Variants in ZFYVE16 observed in about 807,000 individuals in gnomAD.
ZFYVE16 encodes zinc finger FYVE domain-containing protein 16.
ZFYVE16 carries 89 observed loss-of-function variants against 138.1 expected under a neutral mutation model. The observed-to-expected ratio is 0.64, with a 90% confidence interval of 0.54 to 0.77. The LOEUF (loss-of-function observed/expected upper bound fraction) is 0.77. Among genes scored for constraint, ZFYVE16 ranks in the 30% least tolerant of loss-of-function variants. The pLI is 0.00. For missense variants in ZFYVE16, 1,793 were observed against 1,786.7 expected, an observed-to-expected ratio of 1.00 and a Z score of -0.06; for synonymous variants, 596 against 618.3, an observed-to-expected ratio of 0.96 and a Z score of 0.53.
chr5:80,440,651 C>G (rs1580231963), intron 5 of ZFYVE16: 1 of 889,644 alleles, frequency 1.1e-6, no homozygotes, highest in Admixed American at 9.4e-5. Flanking sequence ...TCTTTGAGTT[C>G]TCACAGGTGT....
At chr5:80,456,272 T>C in intron 12 of ZFYVE16, 189 bp from the exon 13 acceptor site, 1 of 464,102 alleles carries the variant, frequency 2.2e-6, no homozygotes, top group Non-Finnish European at 3.8e-6. Flanking sequence ...TATTTATCCA[T>C]GCCTAGTTTG....
At chr5:80,417,834 T>C (rs1746483718) in intron 1 of ZFYVE16, among the ~76,000 whole-genome samples, 1 of 152,130 alleles carries the variant, frequency 6.6e-6, no homozygotes, top group Non-Finnish European at 1.5e-5. Context: ...GATGAGTAAA[T>C]ACCTAGTAGC....
rs2112474046 is a variant in ZFYVE16 at position 80,455,774 on chromosome 5, T to C, written c.3690T>C (p.Val1230=). Residue 1230 remains valine (V), a splice_region_variant and synonymous_variant, in exon 12 of 19, where the codon GTT becomes GTC. Transcript: ENST00000505560. ...GACACACTATTATGAACTTACTTGT[T>C]GTGAGTAATTGAACTATTTTATTAG... The part of the protein sequence containing the change: ...EIGHTIMNLL[V]DLRNYQYTLH... The C allele has an allele frequency of 6.4e-7, 1 of 1,570,270 alleles. No individual in the cohort carries two copies. The highest frequency in any genetic ancestry group is 2.3e-5 in the East Asian group (1 of 43,096).
chr5:80,450,635 G>GT, intron 10 of ZFYVE16, 49 bp downstream of exon 10: 1 of 1,560,998 alleles, frequency 6.4e-7, no homozygotes, highest in Non-Finnish European at 8.7e-7. Context: ...GGATAAATTA[G>GT]TTAAAGGCAT....
At chr5:80,420,684 CCAGTCTAT>C (rs1330065682) in intron 1 of ZFYVE16, among the ~76,000 whole-genome samples, 1 of 152,172 alleles carries the variant, frequency 6.6e-6, no homozygotes, top group Non-Finnish European at 1.5e-5. Flanking sequence ...TTTTCTTAAT[CCAGTCTAT>C]CATTGATGGA....
intron 1 of ZFYVE16, among the ~76,000 whole-genome samples, chr5:80,427,103 C>T (rs1373003381): frequency 4.6e-5 from 7 of 151,166 alleles, no homozygotes; most frequent in Non-Finnish European, 7.4e-5. Context: ...AGGCAGGTCT[C>T]GAACTCCTGG....
At chr5:80,440,734 C>T (rs1750615229) in intron 5 of ZFYVE16, 1 of 968,542 alleles carries the variant, frequency 1.0e-6, no homozygotes, top group African/African-American at 1.9e-5. Flanking sequence ...CATGTTTATT[C>T]TTTTGAGTAC....
Position 80,445,402 on chromosome 5 carries a change from T to A in ZFYVE16, c.2721T>A (p.Pro907=). 1 of 1,608,852 alleles carries A rather than the reference T, an allele frequency of 6.2e-7. No homozygotes were observed. The highest frequency in any genetic ancestry group is 1.1e-5 in the South Asian group (1 of 89,712). The part of the protein sequence containing the change: ...EDFSPLSPDV[P]MTVNTVDHSH... ...TTAGTCCTCTCTCACCTGATGTGCC[T>A]ATGGTAAGGAATTCAAAGAATAACT... The change falls in exon 7 of 19, where the codon CCT becomes CCA. Residue 907 remains proline, a synonymous_variant. Transcript: ENST00000505560.
At position 80,450,507 on chromosome 5, in the gene ZFYVE16, G is replaced by A. The variant is rs769454176; in HGVS notation, c.3303G>A (p.Leu1101=). The change falls in exon 10 of 19, where the codon TTG becomes TTA. Residue 1101 remains leucine (L), a synonymous_variant. Coordinates refer to ENST00000505560, the MANE Select transcript of ZFYVE16 (RefSeq NM_001284236.3). ...GLGQAEIIIL[L]LCLPNEDTIP... is the part of the protein sequence containing the mutation. ...GACAGGCAGAAATTATTATTCTATT[G>A]TTATGTTTGCCAAATGAAGATACTA... 6.2e-6 allele frequency: 10 copies of A among 1,613,360 alleles called. No individual in the cohort carries two copies. The Admixed American group carries it at 1.7e-4, about 27-fold the overall frequency.
intron 2 of ZFYVE16, among the ~76,000 whole-genome samples, chr5:80,428,457 C>T (rs1042515883): frequency 5.3e-5 from 8 of 152,134 alleles, no homozygotes; most frequent in Admixed American, 1.3e-4. Context: ...CCCATCTATA[C>T]GTCACCATCA....
At chr5:80,419,241 G>A (rs908368811) in intron 1 of ZFYVE16, among the ~76,000 whole-genome samples, 2 of 152,048 alleles carry the variant, frequency 1.3e-5, no homozygotes, top group African/African-American at 4.8e-5. Context: ...ACCATGTCCA[G>A]CTTATTTTTT....
chr5:80,431,273 G>C (rs994406823), intron 2 of ZFYVE16, among the ~76,000 whole-genome samples: 1 of 152,046 alleles, frequency 6.6e-6, no homozygotes, highest in Admixed American at 6.6e-5. Context: ...GGGATGCAAG[G>C]CTGGTTCAAC....
At chr5:80,418,478 A>G (rs1236923551) in intron 1 of ZFYVE16, among the ~76,000 whole-genome samples, 1 of 151,544 alleles carries the variant, frequency 6.6e-6, no homozygotes, top group Non-Finnish European at 1.5e-5. Flanking sequence ...ACACCTAACT[A>G]ATTTTTAATT....
chr5:80,451,921 T>C (rs895649029), intron 11 of ZFYVE16: 45 of 492,620 alleles, frequency 9.1e-5, no homozygotes, highest in Non-Finnish European at 1.3e-4. Context: ...ATAAGTTCTT[T>C]TATTACCTAA....
At position 80,426,455 on chromosome 5, in the gene ZFYVE16, C is replaced by G. The variant is rs183550405; in HGVS notation, c.-93-1037C>G. Among the ~76,000 whole-genome samples, 304 of 151,886 alleles carry G rather than the reference C, an allele frequency of 2.0e-3. 2 individuals carry two copies. The highest frequency in any genetic ancestry group is 7.0e-3 in the African/African-American group (291 of 41,390). On this transcript the variant is annotated intron_variant, in intron 1 of 18. Transcript: ENST00000505560. ...TGCTCTCCCCTCACCACCACCCCCC[C>G]ACCCCAGCAGGCCCCAGTGTGTCTG...
Position 80,438,131 on chromosome 5 carries a change from G to C in ZFYVE16, c.1446G>C (p.Glu482Asp). 6.2e-7 allele frequency: 1 copy of C among 1,613,996 alleles called. No individual in the cohort carries two copies. The highest frequency in any genetic ancestry group is 8.5e-7 in the Non-Finnish European group (1 of 1,179,968). ...GTTCTACAGTTGTAGAATCTCAAGA[G>C]GGGCTTTCTGGCACTCATGTCCCAG... ...DTSSTVVESQ[E>D]GLSGTHVPES... is the part of the protein sequence containing the mutation. Residue 482 changes from glutamate to aspartate, a missense_variant, in exon 4 of 19, where the codon GAG (glutamate) becomes GAC (aspartate). Physicochemically the swap from Glu to Asp is conservative, Grantham distance 45 (BLOSUM62 2). This residue lies in a region of ZFYVE16 where 1,295 missense variants were observed against 1,204.3 expected (regional missense o/e 1.08). Coordinates refer to ENST00000505560, the MANE Select transcript of ZFYVE16 (RefSeq NM_001284236.3).
At chr5:80,441,024 T>C in intron 5 of ZFYVE16, 1 of 985,456 alleles carries the variant, frequency 1.0e-6, no homozygotes, top group Non-Finnish European at 1.2e-6. Flanking sequence ...CTTTTTATGT[T>C]TCCATGTTAC....
intron 1 of ZFYVE16, among the ~76,000 whole-genome samples, chr5:80,409,278 A>G (rs914503465): frequency 2.0e-5 from 3 of 152,198 alleles, no homozygotes; most frequent in African/African-American, 7.2e-5. Context: ...TACATGAGCA[A>G]AGTATCTTTT....
At chr5:80,462,367 AAGG>A (rs1753213921) in intron 15 of ZFYVE16, among the ~76,000 whole-genome samples, 1 of 152,162 alleles carries the variant, frequency 6.6e-6, no homozygotes, top group African/African-American at 2.4e-5. Flanking sequence ...AGGCAGCAGG[AAGG>A]AGAAGTGCTG....
Sources: allele counts gnomAD v4.1 joint callset (sites outside exome capture counted in the v4.1 genomes callset), GRCh38; gene constraint gnomAD v4.1.1; regional missense constraint gnomAD v4.1.1; transcripts MANE v1.5; gene names NCBI Gene and HGNC (gene_info 2026-07-23, HGNC 2026-07-21).